PTGS2: variants seen among roughly 807,000 people sequenced by gnomAD.
The protein encoded by PTGS2 is prostaglandin-endoperoxide synthase 2.
In PTGS2, 14 loss-of-function variants were observed where a neutral mutation model predicts 63.8. That is an observed-to-expected ratio of 0.22 (90% CI 0.14 to 0.34). PTGS2 has a LOEUF of 0.34. Among genes scored for constraint, PTGS2 ranks in the 10% least tolerant of loss-of-function variants. The pLI, the probability that PTGS2 is intolerant of heterozygous loss-of-function variation, is 1.00. For synonymous variants in PTGS2, 271 were observed against 259.5 expected (o/e 1.04, Z -0.43); for missense variants, 533 against 738.5 (o/e 0.72, Z 3.23).
At chr1:186,677,977 T>G (rs1307645568) in intron 4 of PTGS2, 147 bp from the exon 5 acceptor site, 1 of 742,866 alleles carries the variant, frequency 1.3e-6, no homozygotes, top group East Asian at 2.9e-5. Context: ...TAAGATATGG[T>G]GGAACAACTT....
Position 186,678,074 on chromosome 1 carries a change from G to A in PTGS2, c.457+187C>T, listed in dbSNP as rs145859214. 2.5e-3 allele frequency among the ~76,000 whole-genome samples: 384 copies of A among 152,084 alleles called. 3 individuals carry two copies. The highest frequency in any genetic ancestry group is 8.8e-3 in the African/African-American group (363 of 41,478). On this transcript the variant is annotated intron_variant, in intron 4 of 9. Coordinates refer to ENST00000367468, the MANE Select transcript of PTGS2 (RefSeq NM_000963.4). ...AAATATTAAGACATTATACCAAGAC[G>A]CTCATTTGCTTTTACATAATAGTTT...
intron 5 of PTGS2, 107 bp downstream of exon 5, chr1:186,677,542 G>C: frequency 1.7e-6 from 2 of 1,177,460 alleles, no homozygotes; most frequent in Non-Finnish European, 2.3e-6. Flanking sequence ...TTTAAAAAAA[G>C]TGGATAAGTT....
intron 4 of PTGS2, among the ~76,000 whole-genome samples, 188 bp downstream of exon 4, chr1:186,678,073 C>T (rs1016414863): frequency 2.6e-5 from 4 of 152,062 alleles, no homozygotes; most frequent in African/African-American, 9.7e-5. Flanking sequence ...TATACCAAGA[C>T]GCTCATTTGC....
chr1:186,678,617 G>A (rs1018683742), intron 3 of PTGS2, among the ~76,000 whole-genome samples: 5 of 152,090 alleles, frequency 3.3e-5, no homozygotes, highest in African/African-American at 9.7e-5. Flanking sequence ...ATTATAATCT[G>A]GCAATATTGA....
intron 5 of PTGS2, 120 bp downstream of exon 5, chr1:186,677,529 C>T: frequency 4.5e-6 from 5 of 1,116,620 alleles, no homozygotes; most frequent in South Asian, 2.2e-5. Context: ...GATAAGACTT[C>T]TTTTTAAAAA....
rs1386764727 is a variant in PTGS2 at position 186,671,993 on chromosome 1, T to A, written c.*2360A>T. The A allele has an allele frequency of 2.0e-5, 3 of 151,898 alleles. No homozygotes were observed. The highest frequency in any genetic ancestry group is 4.4e-5 in the Non-Finnish European group (3 of 67,926). The allele number at this position is 151,898 out of a possible 1,614,324, so 9.4% of individuals were successfully genotyped here. A position where few individuals can be genotyped will look rare whatever the true frequency, so the allele number is the denominator to read the frequency against. ...GTTAATAACAAATCAAGTTTTTTTTTTAAAAAAAACAGTGAACAGTGTTTT... is the reference window on the plus strand; with the variant it reads ...GTTAATAACAAATCAAGTTTTTTTTATAAAAAAAACAGTGAACAGTGTTTT... On this transcript the variant is annotated 3_prime_UTR_variant, in exon 10 of 10. Transcript: ENST00000367468.
intron 1 of PTGS2, 46 bp from the exon 2 acceptor site, chr1:186,679,484 C>T (rs1464884729): frequency 2.2e-6 from 3 of 1,360,950 alleles, no homozygotes; most frequent in South Asian, 1.2e-5. Context: ...GTGTCTTAAT[C>T]TTAATTTAAA....
chr1:186,675,768 T>A, intron 8 of PTGS2, 130 bp downstream of exon 8: 1 of 1,011,504 alleles, frequency 9.9e-7, no homozygotes, highest in Non-Finnish European at 1.4e-6. Context: ...GCTTCTTATA[T>A]CAATAAAATA....
chr1:186,675,723 T>G, intron 8 of PTGS2, 175 bp downstream of exon 8: 1 of 738,716 alleles, frequency 1.4e-6, no homozygotes, highest in East Asian at 2.8e-5. Flanking sequence ...AACTGTAGAC[T>G]AGACTAAAAG....
intron 9 of PTGS2, 92 bp downstream of exon 9, chr1:186,675,157 A>G: frequency 2.0e-6 from 3 of 1,513,986 alleles, no homozygotes; most frequent in Non-Finnish European, 2.7e-6. Context: ...AGCCTGGGTG[A>G]CAGAGGGCGG....
Position 186,674,751 on chromosome 1 carries a change from T to C in PTGS2, c.1417A>G (p.Met473Val). 6.2e-7 allele frequency: 1 copy of C among 1,605,868 alleles called. No homozygotes were observed. Among genetic ancestry groups the C allele is most frequent in the South Asian group, 1.1e-5 (1 of 89,818 alleles). ...TAGAGTGCTTCCAACTCTGCAGACA[T>C]TTCCTTTTCTCCTGTGAAGGCGATG... ...SFEELTGEKE[M>V]SAELEALYGD... Residue 473 changes from methionine to valine, a missense_variant, in exon 10 of 10, where the codon ATG (methionine) becomes GTG (valine). By Grantham distance (21) the Met-to-Val change is conservative. Coordinates refer to ENST00000367468, the MANE Select transcript of PTGS2 (RefSeq NM_000963.4).
Position 186,679,175 on chromosome 1 carries a change from A to C in PTGS2, c.196T>G (p.Phe66Val). 2 of 1,613,370 alleles carry C rather than the reference A, an allele frequency of 1.2e-6. No homozygotes were observed. The highest frequency in any genetic ancestry group is 1.7e-6 in the Non-Finnish European group (2 of 1,179,804). Residue 66 changes from phenylalanine to valine, a missense_variant, in exon 3 of 10, where the codon TTT (phenylalanine) becomes GTT (valine). By Grantham distance (50) the Phe-to-Val change is conservative. Coordinates refer to ENST00000367468, the MANE Select transcript of PTGS2 (RefSeq NM_000963.4). The part of the protein sequence containing the change: ...TPEFLTRIKL[F>V]LKPTPNTVHY... ...ACTGTGTTTGGAGTGGGTTTCAGAA[A>C]TAATTTTATTCTTGTCAAAAATTCC...
At position 186,678,393 on chromosome 1, in the gene PTGS2, A is replaced by G; in HGVS notation, c.325T>C (p.Leu109=). 1 of 1,596,580 alleles carries G rather than the reference A, an allele frequency of 6.3e-7. No homozygotes were observed. Among genetic ancestry groups the G allele is most frequent in the Non-Finnish European group, 8.5e-7 (1 of 1,172,716 alleles). The change falls in exon 4 of 10, where the codon TTG becomes CTG. Residue 109 remains leucine, a synonymous_variant. Transcript: ENST00000367468. ...MSYVLTSRSH[L]IDSPPTYNAD... ...TTGTAAGTTGGTGGACTGTCAATCA[A>G]ATGTGATCTGGCTGAAATTTTCAAA...
chr1:186,678,191 A>T (rs1665814722), intron 4 of PTGS2, 70 bp downstream of exon 4: 142 of 1,065,666 alleles, frequency 1.3e-4, no homozygotes, highest in South Asian at 4.3e-4. Context: ...TCTAAGGTCA[A>T]TTTTTTTTTT....
chr1:186,675,782 T>C (rs1188109595), intron 8 of PTGS2, 116 bp downstream of exon 8: 5 of 1,088,450 alleles, frequency 4.6e-6, no homozygotes, highest in Non-Finnish European at 6.4e-6. Context: ...TAAAATAATT[T>C]TACTAGCAAT....
chr1:186,675,864 G>A lies in PTGS2; in HGVS notation c.1257+34C>T, dbSNP rs202098066. 3.0e-5 allele frequency: 47 copies of A among 1,566,140 alleles called. No individual in the cohort carries two copies. In the African/African-American group the frequency reaches 6.4e-4, roughly 21 times the overall value. ...GCAGAAATTCTAAAGTTACTGACTA[G>A]TCTTTTGTTTTGGTTTTCAATAATA... On this transcript the variant is annotated intron_variant, in intron 8 of 9. Coordinates refer to ENST00000367468, the MANE Select transcript of PTGS2 (RefSeq NM_000963.4).
chr1:186,673,914 T>C lies in PTGS2; in HGVS notation c.*439A>G, dbSNP rs1665734101. 6.6e-6 allele frequency: 1 copy of C among 152,540 alleles called. No homozygotes were observed. Among genetic ancestry groups the C allele is most frequent in the Non-Finnish European group, 1.5e-5 (1 of 68,082 alleles). 9.4% of individuals were successfully genotyped at this position (152,540 alleles called of 1,614,324 possible). A position where few individuals can be genotyped will look rare whatever the true frequency, so the allele number is the denominator to read the frequency against. On this transcript the variant is annotated 3_prime_UTR_variant, in exon 10 of 10. Transcript: ENST00000367468. ...TGCACTGATACCTGTTTTTGTTTGATGACAGAAAAATAACCAAAAGTACTT... is the reference window on the plus strand; with the variant it reads ...TGCACTGATACCTGTTTTTGTTTGACGACAGAAAAATAACCAAAAGTACTT...
rs1444963388 is a variant in PTGS2 at position 186,676,184 on chromosome 1, C to G, written c.971G>C (p.Gly324Ala). ...LFQTSRLILI[G>A]ETIKIVIEDY... ...TTCAATCACAATCTTAATAGTCTCT[C>G]CTATTTGCACAAAATAAATAATAAA... The change falls in exon 8 of 10, where the codon GGA becomes GCA. Residue 324 changes from glycine (G) to alanine (A), a missense_variant and splice_region_variant. Physicochemically the swap from Gly to Ala is moderately conservative, Grantham distance 60. Coordinates refer to ENST00000367468, the MANE Select transcript of PTGS2 (RefSeq NM_000963.4). 6.3e-7 allele frequency: 1 copy of G among 1,589,034 alleles called. No individual in the cohort carries two copies. The highest frequency in any genetic ancestry group is 1.8e-5 in the Admixed American group (1 of 56,198).
chr1:186,679,688 T>G (rs1361260943), intron 1 of PTGS2, among the ~76,000 whole-genome samples: 1 of 152,206 alleles, frequency 6.6e-6, no homozygotes, highest in Non-Finnish European at 1.5e-5. Context: ...AGTTAACTCT[T>G]TAGATGTTAA....
Sources: allele counts gnomAD v4.1 joint callset (sites outside exome capture counted in the v4.1 genomes callset), GRCh38; gene constraint gnomAD v4.1.1; transcripts MANE v1.5; gene names NCBI Gene and HGNC (gene_info 2026-07-23, HGNC 2026-07-21).